MYH3: variants seen among roughly 807,000 people sequenced by gnomAD.
The protein encoded by MYH3 is myosin heavy chain 3.
MYH3 carries 130 observed loss-of-function variants against 238.0 expected under a neutral mutation model. The ratio of observed to expected loss-of-function variants is 0.55; its 90% CI spans 0.47 to 0.63. The LOEUF (loss-of-function observed/expected upper bound fraction) is 0.63, where lower values mean the gene tolerates loss of function less well. Among genes scored for constraint, MYH3 ranks in the 30% least tolerant of loss-of-function variants. The probability of loss-of-function intolerance (pLI) is 0.00; values close to 1 mark genes in which losing one functional copy is unlikely to be tolerated. For synonymous variants in MYH3, 880 were observed against 924.1 expected, an observed-to-expected ratio of 0.95 and a Z score of 0.86; for missense variants, 1,853 against 2,374.9, an observed-to-expected ratio of 0.78 and a Z score of 4.57.
chr17:10,647,209 G>C lies in MYH3; in HGVS notation c.871C>G (p.Leu291Val). The C allele has an allele frequency of 6.2e-7, 1 of 1,614,200 alleles. No homozygotes were observed. The highest frequency in any genetic ancestry group is 8.5e-7 in the Non-Finnish European group (1 of 1,180,010). ...ATGAGCTCAGGCTTCTTGTTAGAAA[G>C]AATCTGGTAGAAGATGTGGTAGCTT... ...ERSYHIFYQI[L>V]SNKKPELIEL... is the part of the protein sequence containing the mutation. The change falls in exon 10 of 41, where the codon CTT becomes GTT. Residue 291 changes from leucine (L) to valine (V), a missense_variant. Around this residue, in one of 3 missense-constraint regions of MYH3, gnomAD observed 678 missense variants for 1,058.9 expected, o/e 0.64. Coordinates refer to ENST00000583535, the MANE Select transcript of MYH3 (RefSeq NM_002470.4).
chr17:10,631,679 T>C lies in MYH3; in HGVS notation c.5218A>G (p.Ser1740Gly), dbSNP rs772075275. 1.9e-6 allele frequency: 3 copies of C among 1,614,024 alleles called. No homozygotes were observed. The highest frequency in any genetic ancestry group is 2.5e-6 in the Non-Finnish European group (3 of 1,180,018). Residue 1740 changes from serine (S) to glycine (G), a missense_variant, in exon 36 of 41, where the codon AGT (serine) becomes GGT (glycine). Ser to Gly is a moderately conservative substitution (Grantham distance 56). Coordinates refer to ENST00000583535, the MANE Select transcript of MYH3 (RefSeq NM_002470.4). ...KLETDLMQLQ[S>G]EVEDASRDAR... ...TCCCTGCTGGCATCTTCTACCTCAC[T>C]CTGGAGCTGCATGAGGTCTGTCTCC...
chr17:10,650,559 TTTTTA>T (rs879260231), intron 5 of MYH3, among the ~76,000 whole-genome samples, 158 bp from the exon 6 acceptor site: 19 of 152,324 alleles, frequency 1.2e-4, no homozygotes, highest in East Asian at 3.9e-4. Context: ...CTCCATCTGC[TTTTTA>T]TTTTATTTTA....
intron 31 of MYH3, among the ~76,000 whole-genome samples, chr17:10,634,601 G>A (rs549255379): frequency 6.6e-5 from 10 of 152,312 alleles, no homozygotes; most frequent in Non-Finnish European, 1.2e-4. Flanking sequence ...AGGACTGCAC[G>A]GACATTGTAG....
At chr17:10,671,620 C>T in the MYH3 span, among the ~76,000 whole-genome samples, 1 of 146,814 alleles carries the variant, frequency 6.8e-6, no homozygotes, top group Admixed American at 6.9e-5. Flanking sequence ...GCTCTTGTCG[C>T]CCAGGCTGGA....
At chr17:10,633,914 C>G (rs2142386696) in intron 32 of MYH3, 103 bp downstream of exon 32, 1 of 1,510,164 alleles carries the variant, frequency 6.6e-7, no homozygotes, top group East Asian at 2.2e-5. Flanking sequence ...CATTAACACA[C>G]ATGTGTGCAG....
chr17:10,675,747 C>T, the MYH3 span: 5 of 152,102 alleles, frequency 3.3e-5, no homozygotes, highest in Non-Finnish European at 5.9e-5. Flanking sequence ...AGAAAAAAAA[C>T]ACCCAACAAC....
chr17:10,651,339 T>C (rs569401628), intron 5 of MYH3, among the ~76,000 whole-genome samples, 173 bp downstream of exon 5: 1 of 152,358 alleles, frequency 6.6e-6, no homozygotes, highest in South Asian at 2.1e-4. Context: ...ACTCGTCACC[T>C]TGGCATGCGG....
the MYH3 span, among the ~76,000 whole-genome samples, chr17:10,671,482 A>T: frequency 6.6e-6 from 1 of 152,154 alleles, no homozygotes; most frequent in African/African-American, 2.4e-5. Flanking sequence ...ACTGAGACAA[A>T]AATTCCACTG....
upstream of MYH3, among the ~76,000 whole-genome samples, chr17:10,660,625 C>T (rs1035750580): frequency 1.3e-5 from 2 of 150,062 alleles, no homozygotes; most frequent in South Asian, 4.2e-4. Flanking sequence ...TGCAGTGAGC[C>T]GAGATCATGC....
upstream of MYH3, among the ~76,000 whole-genome samples, chr17:10,657,530 T>A (rs1049151269): frequency 2.0e-5 from 3 of 152,200 alleles, no homozygotes; most frequent in African/African-American, 7.2e-5. Flanking sequence ...GATGCCTTTC[T>A]CTGAACTTGG....
chr17:10,664,572 T>G, the MYH3 span, among the ~76,000 whole-genome samples: 2 of 151,880 alleles, frequency 1.3e-5, no homozygotes, highest in South Asian at 4.1e-4. Flanking sequence ...AAGGGAGAGC[T>G]GGTGCTGAAA....
chr17:10,658,658 G>A (rs2074458493), upstream of MYH3: 1 of 152,252 alleles, frequency 6.6e-6, no homozygotes, highest in Non-Finnish European at 1.5e-5. Flanking sequence ...GTGAATGCCA[G>A]GCAAGGCCAG....
At chr17:10,656,910 T>C (rs201616) in intron 1 of MYH3, among the ~76,000 whole-genome samples, 139,038 of 152,176 alleles carry the variant, frequency 0.91, 63,562 homozygotes, top group East Asian at 1. Context: ...CAGAGTGAGG[T>C]CCCCAGTCCT....
chr17:10,664,061 TTAA>T, the MYH3 span, among the ~76,000 whole-genome samples: 317 of 115,040 alleles, frequency 2.8e-3, 4 homozygotes, highest in Non-Finnish European at 3.3e-3. Flanking sequence ...AGACTCCGTC[TTAA>T]AAAAAAAAAA....
In MYH3 at chr17:10,631,655, C is replaced by A. The variant is rs1397687931; in HGVS notation, c.5242G>T (p.Asp1748Tyr). The A allele has an allele frequency of 6.2e-7, 1 of 1,614,144 alleles. No homozygotes were observed. ...LQSEVEDASR[D>Y]ARNAEEKAKK... ...GCCTTCTCCTCAGCGTTCCTTGCAT[C>A]CCTGCTGGCATCTTCTACCTCACTC... The change falls in exon 36 of 41, where the codon GAT (aspartate) becomes TAT (tyrosine). Residue 1748 changes from aspartate (D) to tyrosine (Y), a missense_variant. By Grantham distance (160) the Asp-to-Tyr change is radical (BLOSUM62 -3). Transcript: ENST00000583535.
chr17:10,636,204 C>T (rs1280539301), intron 28 of MYH3, among the ~76,000 whole-genome samples: 2 of 150,540 alleles, frequency 1.3e-5, no homozygotes, highest in Non-Finnish European at 2.9e-5. Context: ...ACCTGTAGTC[C>T]CAGCTACTTG....
chr17:10,663,906 T>C, the MYH3 span, among the ~76,000 whole-genome samples: 1 of 151,484 alleles, frequency 6.6e-6, no homozygotes, highest in Non-Finnish European at 1.5e-5. Flanking sequence ...TTACTAAAAA[T>C]ACAAAAATTA....
chr17:10,638,563 T>C, intron 26 of MYH3, 131 bp from the exon 27 acceptor site: 5 of 1,281,964 alleles, frequency 3.9e-6, no homozygotes, highest in Non-Finnish European at 5.4e-6. Flanking sequence ...ATACTGCAAA[T>C]TTCCTTTCAC....
At position 10,649,773 on chromosome 17, in the gene MYH3, G is replaced by A; in HGVS notation, c.534-88C>T. 5.9e-6 allele frequency: 7 copies of A among 1,185,386 alleles called. No homozygotes were observed. The South Asian group carries it at 7.3e-5, about 12-fold the overall frequency. 73.4% of individuals were successfully genotyped at this position (1,185,386 alleles called of 1,614,324 possible). ...GGATGTCATACTGAGGCCTGGGCAT[G>A]GTCTGAGCCATCTCTGACACACACT... On this transcript the variant is annotated intron_variant, in intron 6 of 40. Transcript: ENST00000583535.
Sources: gnomAD v4.1 joint callset for allele counts (sites outside exome capture counted in the v4.1 genomes callset) on GRCh38, gnomAD v4.1.1 for gene constraint, gnomAD v4.1.1 regional missense constraint, MANE v1.5 for transcripts, NCBI Gene and HGNC (gene_info 2026-07-23, HGNC 2026-07-21) for gene names.